Variants in MMP26 observed in about 807,000 individuals in gnomAD.
MMP26 encodes the protein matrix metallopeptidase 26, also known as matrix metalloproteinase-26.
In MMP26, 33 loss-of-function variants were observed where a neutral mutation model predicts 31.0. That is an observed-to-expected ratio of 1.06 (90% CI 0.81 to 1.42). The LOEUF (loss-of-function observed/expected upper bound fraction) is 1.42, where lower values mean the gene tolerates loss of function less well. MMP26 is among the 40% of genes most tolerant of loss of function. The probability of loss-of-function intolerance (pLI) is 0.00; values close to 1 mark genes in which losing one functional copy is unlikely to be tolerated. For synonymous variants in MMP26, 122 were observed against 114.9 expected (o/e 1.06, Z -0.40); for missense variants, 347 against 316.1 (o/e 1.10, Z -0.74).
intron 1 of MMP26, chr11:4,710,263 C>T (rs1300858603): frequency 4.4e-6 from 2 of 456,598 alleles, no homozygotes; most frequent in Non-Finnish European, 8.8e-6. Context: ...TGCATTGCCT[C>T]CCCAGAGGAG....
At chr11:4,913,280 A>G (rs2133571795) in intron 2 of MMP26, 1 of 152,310 alleles carries the variant, frequency 6.6e-6, no homozygotes, top group African/African-American at 2.4e-5. Flanking sequence ...ATCCAATGTT[A>G]AATGTCAGGT....
At position 4,856,064 on chromosome 11, in the gene MMP26, C is replaced by T. The variant is rs184762726; in HGVS notation, c.-145+88723C>T. On this transcript the variant is annotated intron_variant, in intron 2 of 7. Transcript: ENST00000380390. ...ACCAGGCCTGCCTTACAAGAGCTCA[C>T]GAAGGAAGCACTAAACATGGAAAGG... Among the ~76,000 whole-genome samples the T allele has an allele frequency of 4.3e-3, 654 of 152,044 alleles. 7 individuals carry two copies. Among genetic ancestry groups the T allele is most frequent in the African/African-American group, 0.015 (621 of 41,456 alleles).
chr11:4,727,032 A>G (rs771443828), intron 1 of MMP26, among the ~76,000 whole-genome samples: 49 of 152,172 alleles, frequency 3.2e-4, no homozygotes, highest in Non-Finnish European at 1.5e-4. Context: ...AAACAAAACA[A>G]AAAACAAAAA....
At chr11:4,705,805 T>A (rs1009208901) in intron 1 of MMP26, among the ~76,000 whole-genome samples, 1 of 152,004 alleles carries the variant, frequency 6.6e-6, no homozygotes, top group African/African-American at 2.4e-5. Context: ...CTGGCCAACA[T>A]GGTGAAACCC....
At chr11:4,728,428 G>A (rs1423651814) in intron 1 of MMP26, among the ~76,000 whole-genome samples, 21 of 152,160 alleles carry the variant, frequency 1.4e-4, no homozygotes, top group Admixed American at 1.4e-3. Context: ...TGACTGATCA[G>A]TAGAGGAGTA....
rs1166216255 is a variant in MMP26 at position 4,992,027 on chromosome 11, G to C, written c.659G>C (p.Gly220Ala). 2 of 1,613,774 alleles carry C rather than the reference G, an allele frequency of 1.2e-6. No individual in the cohort carries two copies. The highest frequency in any genetic ancestry group is 2.2e-5 in the East Asian group (1 of 44,850). The stretch of plus-strand genomic sequence containing the variant: ...CATTCTTTGGGCCTGCAGCACTCTG[G>C]GAATCAGAGCTCCATAATGTACCCC... ...IGHSLGLQHS[G>A]NQSSIMYPTY... The change falls in exon 7 of 8, where the codon GGG becomes GCG. Residue 220 changes from glycine (G) to alanine (A), a missense_variant. Physicochemically the swap from Gly to Ala is moderately conservative, Grantham distance 60. Transcript: ENST00000380390.
intron 2 of MMP26, among the ~76,000 whole-genome samples, chr11:4,807,445 G>A (rs1332205829): frequency 3.3e-5 from 5 of 152,174 alleles, no homozygotes; most frequent in African/African-American, 9.7e-5. Flanking sequence ...GCATAAAAAA[G>A]GATGAATTCA....
chr11:4,722,672 C>G (rs1589883506), intron 1 of MMP26: 1 of 700,114 alleles, frequency 1.4e-6, no homozygotes, highest in East Asian at 2.5e-5. Flanking sequence ...TGCACAGTGG[C>G]CTCCCTCCTG....
At position 4,992,254 on chromosome 11, in the gene MMP26, A is replaced by C. The variant is rs1161002628; in HGVS notation, c.*12A>C. ...CTGACATACCTTAATGTTAGCACAG[A>C]GGACTTATTCAACCTGTCCTTTCAG... On this transcript the variant is annotated 3_prime_UTR_variant, in exon 8 of 8. Coordinates refer to ENST00000380390, the MANE Select transcript of MMP26 (RefSeq NM_021801.5). 8.1e-6 allele frequency: 13 copies of C among 1,608,636 alleles called. No homozygotes were observed. In the East Asian group the frequency reaches 2.0e-4, roughly 25 times the overall value.
chr11:4,913,818 T>G (rs372927998), intron 2 of MMP26: 2 of 152,314 alleles, frequency 1.3e-5, no homozygotes, highest in East Asian at 3.9e-4. Flanking sequence ...CTGGAACATA[T>G]TTTTGTCTCC....
At chr11:4,793,978 G>C (rs1849068200) in intron 2 of MMP26, 2 of 152,164 alleles carry the variant, frequency 1.3e-5, no homozygotes, top group Non-Finnish European at 2.9e-5. Flanking sequence ...ACACAAATGT[G>C]GAAGGCATAT....
chr11:4,772,648 T>C (rs1848741481), intron 2 of MMP26, among the ~76,000 whole-genome samples: 2 of 152,234 alleles, frequency 1.3e-5, no homozygotes. Context: ...GCATTAATAC[T>C]TTCAAGCACC....
intron 2 of MMP26, among the ~76,000 whole-genome samples, chr11:4,871,499 C>A (rs1850309932): frequency 6.6e-6 from 1 of 151,982 alleles, no homozygotes; most frequent in African/African-American, 2.4e-5. Context: ...TGGGTTGCTA[C>A]CATAGATCTG....
chr11:4,946,339 C>T, intron 2 of MMP26: 1 of 1,613,762 alleles, frequency 6.2e-7, no homozygotes, highest in Non-Finnish European at 8.5e-7. Flanking sequence ...TGATGATGGG[C>T]AGGTAGAAGA....
chr11:4,757,783 A>G (rs552579511), intron 1 of MMP26, among the ~76,000 whole-genome samples: 65 of 152,102 alleles, frequency 4.3e-4, no homozygotes, highest in African/African-American at 1.5e-3. Flanking sequence ...ATGGCTATAA[A>G]TAAGAAACAG....
intron 3 of MMP26, among the ~76,000 whole-genome samples, chr11:4,988,854 A>G (rs1286202658): frequency 6.6e-6 from 1 of 152,206 alleles, no homozygotes; most frequent in African/African-American, 2.4e-5. Flanking sequence ...TTTCCTGCTA[A>G]TGTTTAGTCC....
At chr11:4,846,776 T>C (rs1849874631) in intron 2 of MMP26, among the ~76,000 whole-genome samples, 1 of 152,264 alleles carries the variant, frequency 6.6e-6, no homozygotes, top group Non-Finnish European at 1.5e-5. Context: ...ACACATGTGA[T>C]TAATTGTATT....
chr11:4,917,369 A>G (rs1296105474), intron 2 of MMP26, among the ~76,000 whole-genome samples: 1 of 152,234 alleles, frequency 6.6e-6, no homozygotes, highest in Non-Finnish European at 1.5e-5. Context: ...TCTAGACTTC[A>G]GGATATAAAC....
At chr11:4,825,047 T>C (rs996818060) in intron 2 of MMP26, among the ~76,000 whole-genome samples, 2 of 152,084 alleles carry the variant, frequency 1.3e-5, no homozygotes, top group African/African-American at 4.8e-5. Flanking sequence ...TGAGACCTGA[T>C]TGGTTATTAT....
Sources: allele counts gnomAD v4.1 joint callset (sites outside exome capture counted in the v4.1 genomes callset), GRCh38; gene constraint gnomAD v4.1.1; transcripts MANE v1.5; gene names NCBI Gene and HGNC (gene_info 2026-07-23, HGNC 2026-07-21).